Variants in PMM2 observed in about 807,000 individuals in gnomAD.
The protein encoded by PMM2 is mannose-6-phosphate isomerase.
Under a neutral mutation model 33.2 loss-of-function variants are expected in PMM2, and 35 were observed. That is an observed-to-expected ratio of 1.06 (90% CI 0.81 to 1.40). PMM2 has a LOEUF of 1.40. PMM2 is among the 40% of genes most tolerant of loss of function. The pLI, the probability that PMM2 is intolerant of heterozygous loss-of-function variation, is 0.00. For synonymous variants in PMM2, 153 were observed against 114.7 expected (o/e 1.33, Z -2.13); for missense variants, 386 against 306.0 (o/e 1.26, Z -1.95).
intron 1 of PMM2, 144 bp downstream of exon 1, chr16:8,798,092 A>G: frequency 2.5e-6 from 2 of 785,614 alleles, no homozygotes; most frequent in Non-Finnish European, 4.3e-6. Context: ...TTCTGGGTGC[A>G]CTGGAGGAAT....
chr16:8,815,843 G>T (rs142303397), intron 7 of PMM2, among the ~76,000 whole-genome samples: 2 of 152,156 alleles, frequency 1.3e-5, no homozygotes, highest in African/African-American at 4.8e-5. Flanking sequence ...GCACAGCAAG[G>T]GAAATAATCA....
chr16:8,829,459 TGCTGCCCAA>T (rs2060797667), intron 7 of PMM2, among the ~76,000 whole-genome samples: 1 of 152,248 alleles, frequency 6.6e-6, no homozygotes, highest in East Asian at 1.9e-4. Context: ...TTTTTCAAGA[TGCTGCCCAA>T]TGGGCTGCAT....
rs387906824 is a variant in PMM2, at chr16:8,806,377, A to G, written c.317A>G (p.Tyr106Cys). 1 of 1,613,360 alleles carries G rather than the reference A, an allele frequency of 6.2e-7. No homozygotes were observed. Among genetic ancestry groups the G allele is most frequent in the Non-Finnish European group, 8.5e-7 (1 of 1,179,236 alleles). ...GATTTAATCAACTACTGTCTGAGCT[A>G]CATTGCGAAAATTAAACTCCCGAAG... ...IQDLINYCLSYIAKIKLPKKR... is the reference protein window; with the variant it reads ...IQDLINYCLSCIAKIKLPKKR... The change falls in exon 4 of 8, where the codon TAC (tyrosine) becomes TGC (cysteine). Residue 106 changes from tyrosine to cysteine, a missense_variant. By Grantham distance (194) the Tyr-to-Cys change is radical. Transcript: ENST00000268261.
chr16:8,820,348 C>CTTTTTTTTTT (rs1451905873), intron 7 of PMM2, among the ~76,000 whole-genome samples: 3 of 131,360 alleles, frequency 2.3e-5, no homozygotes, highest in Non-Finnish European at 1.5e-5. Context: ...GGACACAGTT[C>CTTTTTTTTTT]TTCTTTTTTT....
intron 1 of PMM2, among the ~76,000 whole-genome samples, chr16:8,801,093 T>C (rs1383643806): frequency 6.6e-6 from 1 of 152,242 alleles, no homozygotes; most frequent in African/African-American, 2.4e-5. Flanking sequence ...TAGATCTGTG[T>C]TGGCATGAAA....
At chr16:8,799,201 T>G (rs967573223) in intron 1 of PMM2, among the ~76,000 whole-genome samples, 3 of 152,234 alleles carry the variant, frequency 2.0e-5, no homozygotes, top group African/African-American at 7.2e-5. Context: ...AATAAAATTT[T>G]ATTTATTTAT....
chr16:8,837,237 C>A (rs1486440961), intron 7 of PMM2, among the ~76,000 whole-genome samples: 17 of 151,992 alleles, frequency 1.1e-4, no homozygotes, highest in Admixed American at 1.1e-3. Context: ...CATCAGGCAC[C>A]TCAGACCGTT....
intron 7 of PMM2, among the ~76,000 whole-genome samples, chr16:8,827,826 TTATA>T (rs1459225571): frequency 9.9e-6 from 1 of 101,294 alleles, no homozygotes; most frequent in African/African-American, 3.5e-5. Context: ...ATAATATATA[TTATA>T]TATATTGTAT....
chr16:8,809,673 G>A (rs565694554), intron 4 of PMM2: 9 of 152,084 alleles, frequency 5.9e-5, no homozygotes, highest in Middle Eastern at 3.4e-3. Flanking sequence ...GGCTGGTCTT[G>A]ACTCCTGACC....
intron 7 of PMM2, among the ~76,000 whole-genome samples, chr16:8,840,685 T>G (rs556375256): frequency 6.6e-6 from 1 of 152,006 alleles, no homozygotes; most frequent in African/African-American, 2.4e-5. Context: ...GGGATTAGGC[T>G]GGCTGTCCGA....
intron 7 of PMM2, among the ~76,000 whole-genome samples, chr16:8,831,252 G>A (rs1462622932): frequency 6.6e-6 from 1 of 152,264 alleles, no homozygotes; most frequent in Non-Finnish European, 1.5e-5. Context: ...ATGGAGTCAG[G>A]CCAGATCTCT....
intron 7 of PMM2, among the ~76,000 whole-genome samples, chr16:8,841,980 C>T (rs927681859): frequency 2.6e-5 from 4 of 151,160 alleles, no homozygotes; most frequent in African/African-American, 9.8e-5. Flanking sequence ...ATTTTTACGG[C>T]CTCTAAAAGT....
chr16:8,834,060 G>C (rs1226155885), intron 7 of PMM2, among the ~76,000 whole-genome samples: 1 of 152,124 alleles, frequency 6.6e-6, no homozygotes, highest in Non-Finnish European at 1.5e-5. Context: ...GTCTAAGTTG[G>C]TCTGGTGTCT....
chr16:8,843,905 A>T lies in PMM2; in HGVS notation c.640-3819A>T, dbSNP rs2060907000. Among the ~76,000 whole-genome samples the T allele has an allele frequency of 3.3e-5, 5 of 152,108 alleles. No homozygotes were observed. The South Asian group carries it at 1.0e-3, about 32-fold the overall frequency. On this transcript the variant is annotated intron_variant, in intron 7 of 7. Transcript: ENST00000268261. ...TCAGATGGGTCTGTAGAAAAGGAAG[A>T]TTAGAAAGACTCAGCAACGCTTGGG... is the stretch of plus-strand genomic sequence containing the variant.
chr16:8,812,919 G>GT, intron 6 of PMM2, 72 bp from the exon 7 acceptor site: 2 of 882,408 alleles, frequency 2.3e-6, no homozygotes, highest in Non-Finnish European at 3.9e-6. Context: ...AGAGTAAATT[G>GT]TTTTTTTCAG....
At chr16:8,822,685 A>G (rs190917484) in intron 7 of PMM2, among the ~76,000 whole-genome samples, 5 of 152,158 alleles carry the variant, frequency 3.3e-5, no homozygotes, top group Admixed American at 6.5e-5. Flanking sequence ...GGATATGAAG[A>G]TGGGAAAAGA....
At chr16:8,801,576 TAGG>T (rs1219032130) in intron 1 of PMM2, among the ~76,000 whole-genome samples, 4 of 152,044 alleles carry the variant, frequency 2.6e-5, no homozygotes, top group East Asian at 3.8e-4. Flanking sequence ...GAGGCAGAGA[TAGG>T]AGGATCACCG....
chr16:8,816,346 G>C (rs140535478), intron 7 of PMM2, among the ~76,000 whole-genome samples: 1 of 151,506 alleles, frequency 6.6e-6, no homozygotes, highest in Non-Finnish European at 1.5e-5. Context: ...GCCTGGTCTC[G>C]AACTCATGAC....
chr16:8,810,699 C>T, intron 4 of PMM2: 1 of 335,112 alleles, frequency 3.0e-6, no homozygotes, highest in Non-Finnish European at 5.7e-6. Flanking sequence ...GCCTCAACCT[C>T]CTGAGTAGCT....
Sources: allele counts gnomAD v4.1 joint callset (sites outside exome capture counted in the v4.1 genomes callset), GRCh38; gene constraint gnomAD v4.1.1; transcripts MANE v1.5; gene names NCBI Gene and HGNC (gene_info 2026-07-23, HGNC 2026-07-21).